The following SDR42E2 variants were observed in gnomAD, a reference collection of about 807,000 sequenced individuals.
SDR42E2 encodes the protein putative short-chain dehydrogenase/reductase family 42E member 2.
In SDR42E2, 20 loss-of-function variants were observed where a neutral mutation model predicts 10.5. The ratio of observed to expected loss-of-function variants is 1.90; its 90% CI spans 1.34 to 2.77. SDR42E2 has a LOEUF of 2.77. Among genes scored for constraint, SDR42E2 ranks in the 30% most tolerant of loss-of-function variants. The pLI, the probability that SDR42E2 is intolerant of heterozygous loss-of-function variation, is 0.00. For synonymous variants in SDR42E2, 72 were observed against 39.2 expected (o/e 1.84, Z -3.12); for missense variants, 162 against 104.2 (o/e 1.55, Z -2.42).
chr16:22,187,877 C>T (rs1231387576), intron 12 of SDR42E2, among the ~76,000 whole-genome samples: 10 of 151,988 alleles, frequency 6.6e-5, no homozygotes, highest in Non-Finnish European at 1.5e-4. Flanking sequence ...GGGTGGATAA[C>T]CTGAGGTCAG....
chr16:22,181,057 C>T (rs2046688524), intron 8 of SDR42E2, among the ~76,000 whole-genome samples: 1 of 152,162 alleles, frequency 6.6e-6, no homozygotes, highest in South Asian at 2.1e-4. Context: ...GAACAGACTA[C>T]AGGGGCTGAG....
In SDR42E2 at chr16:22,186,710, C is replaced by T. The variant is rs1263446651; in HGVS notation, c.941-11C>T. ...GAGGCCCCTGGTCACTGGCCCCCTC[C>T]TTCCCTGCAGCAGCAGTTATGGAGC... On this transcript the variant is annotated splice_polypyrimidine_tract_variant and intron_variant, in intron 11 of 12. Coordinates refer to ENST00000602312, the MANE Select transcript of SDR42E2 (RefSeq NM_001394319.2). The T allele has an allele frequency of 5.0e-6, 2 of 401,132 alleles. No individual in the cohort carries two copies. Among genetic ancestry groups the T allele is most frequent in the African/African-American group, 4.1e-5 (2 of 48,684 alleles). 24.8% of individuals were successfully genotyped at this position (401,132 alleles called of 1,614,324 possible).
chr16:22,171,032 G>T, intron 6 of SDR42E2, 81 bp downstream of exon 6: 2 of 696,014 alleles, frequency 2.9e-6, no homozygotes, highest in South Asian at 3.0e-5. Flanking sequence ...GTGGAAGCAG[G>T]GTTGGTTTCA....
At chr16:22,172,358 C>G (rs745614697) in intron 7 of SDR42E2, 27 bp downstream of exon 7, 1 of 703,430 alleles carries the variant, frequency 1.4e-6, no homozygotes, top group African/African-American at 1.7e-5. Context: ...TCTGCTTGTA[C>G]CAAATGCACC....
rs752954193 is a variant in SDR42E2, at chr16:22,178,211, C to T, written c.671C>T (p.Ala224Val). ...PEEQRHLPRV[A>V]GHIKKRLFMF... ...GAGCAGAGGCACCTGCCCCGTGTGG[C>T]GGTACGTCATCCCCGCCTTCAGGAC... The change falls in exon 8 of 13, where the codon GCG becomes GTG. Residue 224 changes from alanine (A) to valine (V), a missense_variant and splice_region_variant. Coordinates refer to ENST00000602312, the MANE Select transcript of SDR42E2 (RefSeq NM_001394319.2). 14 of 702,572 alleles carry T rather than the reference C, an allele frequency of 2.0e-5. No individual in the cohort carries two copies. The highest frequency in any genetic ancestry group is 2.3e-4 in the Middle Eastern group (1 of 4,392). 43.5% of individuals were successfully genotyped at this position (702,572 alleles called of 1,614,324 possible).
Position 22,190,310 on chromosome 16 carries a change from C to T in SDR42E2, c.1186C>T (p.Leu396=). 1 of 402,574 alleles carries T rather than the reference C, an allele frequency of 2.5e-6. No individual in the cohort carries two copies. The highest frequency in any genetic ancestry group is 4.4e-6 in the Non-Finnish European group (1 of 227,200). 24.9% of individuals were successfully genotyped at this position (402,574 alleles called of 1,614,324 possible). A position where few individuals can be genotyped will look rare whatever the true frequency, so the allele number is the denominator to read the frequency against. Reference sequence around the variant, plus strand: ...GACCCTCCTGCGCCTGCTGCTCAGGCTGCTGCTGTTCCTCGGCTTGCTCGC... The same window carrying T: ...GACCCTCCTGCGCCTGCTGCTCAGGTTGCTGCTGTTCCTCGGCTTGCTCGC... The part of the protein sequence containing the change: ...ARTLLRLLLR[L]LLFLGLLALA... The change falls in exon 13 of 13, where the codon CTG becomes TTG. Residue 396 remains leucine, a synonymous_variant. Coordinates refer to ENST00000602312, the MANE Select transcript of SDR42E2 (RefSeq NM_001394319.2).
chr16:22,169,299 C>T (rs2046572843), intron 4 of SDR42E2, 146 bp from the exon 5 acceptor site: 4 of 643,444 alleles, frequency 6.2e-6, no homozygotes, highest in Non-Finnish European at 5.7e-6. Context: ...GAGCCAGGCA[C>T]CCACACTCCA....
At chr16:22,190,026 T>C (rs2046760784) in intron 12 of SDR42E2, 113 bp from the exon 13 acceptor site, 3 of 399,984 alleles carry the variant, frequency 7.5e-6, no homozygotes, top group Admixed American at 4.4e-5. Context: ...TTTAAATCAC[T>C]ATGTAATGGA....
chr16:22,190,237 G>A lies in SDR42E2; in HGVS notation c.1113G>A (p.Glu371=), dbSNP rs1442476300. The part of the protein sequence containing the change: ...PDKFRFADAV[E]LYVQSTTRRP... ...AGTTTAGGTTCGCCGACGCCGTGGA[G>A]CTATACGTGCAGTCCACGACCCGGC... The change falls in exon 13 of 13, where the codon GAG becomes GAA. Residue 371 remains glutamate (E), a synonymous_variant. Transcript: ENST00000602312. The A allele has an allele frequency of 4.0e-5, 16 of 401,064 alleles. No individual in the cohort carries two copies. Among genetic ancestry groups the A allele is most frequent in the Non-Finnish European group, 4.4e-6 (1 of 226,158 alleles). The allele number at this position is 401,064 out of a possible 1,614,324, so 24.8% of individuals were successfully genotyped here. A position where few individuals can be genotyped will look rare whatever the true frequency, so the allele number is the denominator to read the frequency against.
intron 12 of SDR42E2, among the ~76,000 whole-genome samples, chr16:22,189,837 A>G (rs2142085596): frequency 6.6e-6 from 1 of 152,178 alleles, no homozygotes; most frequent in Non-Finnish European, 1.5e-5. Context: ...CGGGAAGATG[A>G]GTGTAGGGGT....
At chr16:22,183,297 A>G (rs2046711284) in intron 10 of SDR42E2, among the ~76,000 whole-genome samples, 1 of 151,800 alleles carries the variant, frequency 6.6e-6, no homozygotes, top group Non-Finnish European at 1.5e-5. Context: ...AATTTTTTGT[A>G]TTTGGCTAAT....
At chr16:22,175,128 C>T (rs937664255) in intron 7 of SDR42E2, among the ~76,000 whole-genome samples, 5 of 152,154 alleles carry the variant, frequency 3.3e-5, no homozygotes, top group Admixed American at 6.6e-5. Flanking sequence ...CCTGTGGCAG[C>T]TGTGACAAAT....
rs2046529027 is a variant in SDR42E2 at position 22,165,699 on chromosome 16, AG to A, written c.55+65del. 1.2e-5 allele frequency: 5 copies of A among 401,896 alleles called. No homozygotes were observed. In the South Asian group the frequency reaches 6.3e-4, roughly 50 times the overall value. 24.9% of individuals were successfully genotyped at this position (401,896 alleles called of 1,614,324 possible). ...AGGTCTCAGGTCCAAGGTCTGGCTC[AG>A]GGTCTGAGTCAAGGCCTGCACCAAA... On this transcript the variant is annotated intron_variant, in intron 2 of 12. Coordinates refer to ENST00000602312, the MANE Select transcript of SDR42E2 (RefSeq NM_001394319.2).
intron 4 of SDR42E2, 130 bp downstream of exon 4, chr16:22,167,129 C>T (rs1222783513): frequency 1.4e-5 from 5 of 356,114 alleles, no homozygotes; most frequent in Non-Finnish European, 2.6e-5. Context: ...TCCCACCCTG[C>T]ATCCTGCATC....
intron 7 of SDR42E2, 149 bp from the exon 8 acceptor site, chr16:22,177,981 A>T: frequency 3.4e-6 from 2 of 580,722 alleles, no homozygotes; most frequent in Non-Finnish European, 6.2e-6. Context: ...ACTGACTAAG[A>T]GAATAATAAA....
At chr16:22,189,712 G>C (rs1007874898) in intron 12 of SDR42E2, among the ~76,000 whole-genome samples, 1 of 152,176 alleles carries the variant, frequency 6.6e-6, no homozygotes, top group African/African-American at 2.4e-5. Context: ...GTCTGGGGTT[G>C]GGGGCAGGAA....
rs1366635883 is a variant in SDR42E2, at chr16:22,166,412, C to G, written c.218C>G (p.Ser73Cys). Reference sequence around the variant, plus strand: ...CGCCGCAGACCCCAGTGGGAACTGTCCCCGGAAACCAAGTTCATCCAGGTA... The same window carrying G: ...CGCCGCAGACCCCAGTGGGAACTGTGCCCGGAAACCAAGTTCATCCAGGTA... Reference protein sequence around the residue: ...LDRRRPQWELSPETKFIQADV... With the variant: ...LDRRRPQWELCPETKFIQADV... Residue 73 changes from serine to cysteine, a missense_variant, in exon 3 of 13, where the codon TCC becomes TGC. Transcript: ENST00000602312. 2.5e-6 allele frequency: 1 copy of G among 402,222 alleles called. No homozygotes were observed. The highest frequency in any genetic ancestry group is 4.4e-6 in the Non-Finnish European group (1 of 227,094). 24.9% of individuals were successfully genotyped at this position (402,222 alleles called of 1,614,324 possible).
rs573549171 is a variant in SDR42E2, at chr16:22,178,490, T to G, written c.672+278T>G. 2.0e-5 allele frequency among the ~76,000 whole-genome samples: 3 copies of G among 152,356 alleles called. No homozygotes were observed. In the East Asian group the frequency reaches 5.8e-4, roughly 29 times the overall value. ...CCCAAAAAGGCAGAAGAGAGCCTGTTGCCCTCACTCCCATGTGGGCTCCCT... is the reference window on the plus strand; with the variant it reads ...CCCAAAAAGGCAGAAGAGAGCCTGTGGCCCTCACTCCCATGTGGGCTCCCT... On this transcript the variant is annotated intron_variant, in intron 8 of 12. Transcript: ENST00000602312.
In SDR42E2 at chr16:22,167,335, C is replaced by A. The variant is rs2046552582; in HGVS notation, c.336+336C>A. ...TGAGTAGCTGGGATTACAGGTGCCA[C>A]CAACACGCCCAGCTAATTTTTGTAT... On this transcript the variant is annotated intron_variant, in intron 4 of 12. Transcript: ENST00000602312. Among the ~76,000 whole-genome samples the A allele has an allele frequency of 2.6e-5, 4 of 151,710 alleles. 1 individual carries two copies. The South Asian group carries it at 8.3e-4, about 32-fold the overall frequency.
Sources: allele counts gnomAD v4.1 joint callset (sites outside exome capture counted in the v4.1 genomes callset), GRCh38; gene constraint gnomAD v4.1.1; transcripts MANE v1.5; gene names NCBI Gene and HGNC (gene_info 2026-07-23, HGNC 2026-07-21).